DCC: variants seen among roughly 807,000 people sequenced by gnomAD.
DCC encodes the protein netrin receptor DCC.
In DCC, 58 loss-of-function variants were observed where a neutral mutation model predicts 172.5. That is an observed-to-expected ratio of 0.34 (90% CI 0.27 to 0.42). DCC has a LOEUF of 0.42. Ranked by LOEUF, DCC falls within the 10% of genes least tolerant of loss-of-function variation. The pLI, the probability that DCC is intolerant of heterozygous loss-of-function variation, is 1.00. For synonymous variants in DCC, 709 were observed against 644.5 expected, an observed-to-expected ratio of 1.10 and a Z score of -1.52; for missense variants, 1,740 against 1,791.0, an observed-to-expected ratio of 0.97 and a Z score of 0.51.
intron 1 of DCC, among the ~76,000 whole-genome samples, chr18:52,545,980 C>T (rs1417053538): frequency 1.3e-5 from 2 of 152,128 alleles, no homozygotes; most frequent in African/African-American, 4.8e-5. Context: ...CACCAATGCC[C>T]GTCATTTAAG....
intron 1 of DCC, among the ~76,000 whole-genome samples, chr18:52,700,739 G>A (rs996309304): frequency 6.6e-6 from 1 of 152,176 alleles, no homozygotes; most frequent in Non-Finnish European, 1.5e-5. Flanking sequence ...ATGAAGACAA[G>A]TTCTTACTTT....
At chr18:52,989,703 C>A (rs1330700206) in intron 5 of DCC, among the ~76,000 whole-genome samples, 2 of 152,176 alleles carry the variant, frequency 1.3e-5, no homozygotes, top group African/African-American at 2.4e-5. Context: ...CCTTCCCTGG[C>A]AAGTCAGGTT....
intron 12 of DCC, among the ~76,000 whole-genome samples, chr18:53,278,741 C>T (rs2056834488): frequency 6.6e-6 from 1 of 152,134 alleles, no homozygotes; most frequent in African/African-American, 2.4e-5. Context: ...TGATCATGTG[C>T]CAGATGTGCA....
chr18:52,718,094 T>C (rs904472814), intron 1 of DCC, among the ~76,000 whole-genome samples: 4 of 151,484 alleles, frequency 2.6e-5, no homozygotes, highest in Non-Finnish European at 5.9e-5. Context: ...GAAGTTTCTG[T>C]TTGTCATCTG....
At chr18:53,472,487 A>C (rs2045709407) in intron 25 of DCC, among the ~76,000 whole-genome samples, 1 of 152,148 alleles carries the variant, frequency 6.6e-6, no homozygotes, top group Non-Finnish European at 1.5e-5. Flanking sequence ...ACTAAGTTCT[A>C]TCTGTGCCAA....
intron 25 of DCC, among the ~76,000 whole-genome samples, chr18:53,475,676 G>T (rs182261426): frequency 1.3e-5 from 2 of 152,334 alleles, no homozygotes; most frequent in Admixed American, 1.3e-4. Context: ...TGCTGCAGGG[G>T]TGGGGCTCTC....
intron 16 of DCC, among the ~76,000 whole-genome samples, chr18:53,387,379 C>A (rs2144998688): frequency 6.6e-6 from 1 of 152,154 alleles, no homozygotes; most frequent in Non-Finnish European, 1.5e-5. Flanking sequence ...AATCTTTGAC[C>A]ATTGTTTCCA....
intron 7 of DCC, among the ~76,000 whole-genome samples, chr18:53,148,593 A>C (rs2043950888): frequency 6.6e-6 from 1 of 152,212 alleles, no homozygotes; most frequent in Admixed American, 6.5e-5. Flanking sequence ...AAGCCTTGGA[A>C]TAGTGACAGA....
At chr18:52,701,012 T>A (rs1172829793) in intron 1 of DCC, among the ~76,000 whole-genome samples, 1 of 152,188 alleles carries the variant, frequency 6.6e-6, no homozygotes, top group Non-Finnish European at 1.5e-5. Flanking sequence ...TTGGCCATGG[T>A]GGATTATATC....
intron 12 of DCC, among the ~76,000 whole-genome samples, chr18:53,226,722 A>C (rs573885329): frequency 1.1e-4 from 17 of 151,930 alleles, no homozygotes; most frequent in Admixed American, 7.2e-4. Context: ...AAACAAACAA[A>C]AAAGCCGACC....
chr18:53,189,175 A>G (rs2144507003), intron 9 of DCC, among the ~76,000 whole-genome samples: 1 of 152,198 alleles, frequency 6.6e-6, no homozygotes, highest in Non-Finnish European at 1.5e-5. Flanking sequence ...GTGCATGTAT[A>G]TATATGTGTG....
At chr18:52,719,522 C>T (rs2036440553) in intron 1 of DCC, among the ~76,000 whole-genome samples, 1 of 151,466 alleles carries the variant, frequency 6.6e-6, no homozygotes, top group African/African-American at 2.4e-5. Context: ...CTGTTAGGTA[C>T]TGAGTGTAGA....
At chr18:52,524,674 G>A (rs971307289) in intron 1 of DCC, among the ~76,000 whole-genome samples, 2 of 152,162 alleles carry the variant, frequency 1.3e-5, no homozygotes, top group South Asian at 2.1e-4. Flanking sequence ...TATCCCTCTG[G>A]TGATGAACAG....
chr18:52,998,816 T>TTG lies in DCC; in HGVS notation c.986-64473_986-64472dup, dbSNP rs79283122. Among the ~76,000 whole-genome samples the TTG allele has an allele frequency of 5.3e-3, 805 of 151,348 alleles. 44 individuals are homozygous for TTG. In the East Asian group the frequency reaches 0.13, roughly 25 times the overall value. On this transcript the variant is annotated intron_variant, in intron 5 of 28. Coordinates refer to ENST00000442544, the MANE Select transcript of DCC (RefSeq NM_005215.4). ...TAAAATTTTATATTAGTTTTTAGGT[T>TTG]TGTGTGTGTGTGTGTGTTTGTTTTA...
chr18:53,535,765 A>G lies in DCC; in HGVS notation c.*5112A>G, dbSNP rs1326398274. The G allele has an allele frequency of 6.6e-6, 1 of 152,228 alleles. No individual in the cohort carries two copies. Among genetic ancestry groups the G allele is most frequent in the Non-Finnish European group, 1.5e-5 (1 of 68,032 alleles). 9.4% of individuals were successfully genotyped at this position (152,228 alleles called of 1,614,324 possible). A position where few individuals can be genotyped will look rare whatever the true frequency, so the allele number is the denominator to read the frequency against. ...AGTTTAAAACAATGACTGTTTCTAC[A>G]CATGATCTTGTATACTACTACACAA... On this transcript the variant is annotated 3_prime_UTR_variant, in exon 29 of 29. Transcript: ENST00000442544.
chr18:52,503,999 T>C (rs2031128322), intron 1 of DCC, among the ~76,000 whole-genome samples: 1 of 152,156 alleles, frequency 6.6e-6, no homozygotes, highest in African/African-American at 2.4e-5. Flanking sequence ...AAACACCCTC[T>C]ACTCTCAACC....
chr18:52,846,626 C>CACACACAA (rs2038897023), intron 2 of DCC, among the ~76,000 whole-genome samples: 1 of 124,272 alleles, frequency 8.0e-6, no homozygotes, highest in African/African-American at 2.8e-5. Context: ...CACACACACA[C>CACACACAA]ACACACACAC....
chr18:53,327,157 C>T (rs2057476740), intron 14 of DCC, among the ~76,000 whole-genome samples: 1 of 152,166 alleles, frequency 6.6e-6, no homozygotes, highest in South Asian at 2.1e-4. Flanking sequence ...ACCCCAAGTC[C>T]TCTTGGATTG....
chr18:53,403,409 A>C (rs1307526330), intron 19 of DCC, among the ~76,000 whole-genome samples: 1 of 152,236 alleles, frequency 6.6e-6, no homozygotes, highest in Non-Finnish European at 1.5e-5. Context: ...ATTGACTGAC[A>C]GAAATTGAAC....
Sources: allele counts gnomAD v4.1 joint callset (sites outside exome capture counted in the v4.1 genomes callset), GRCh38; gene constraint gnomAD v4.1.1; transcripts MANE v1.5; gene names NCBI Gene and HGNC (gene_info 2026-07-23, HGNC 2026-07-21).